The following MTUS1 variants were observed in gnomAD, a reference collection of about 807,000 sequenced individuals.
MTUS1 encodes microtubule-associated tumor suppressor 1.
A neutral mutation model predicts 120.8 loss-of-function variants in MTUS1; 109 were observed. The observed-to-expected ratio is 0.90, with a 90% CI of 0.77 to 1.06. The LOEUF is 1.06. Ranked by LOEUF, MTUS1 falls within the 50% of genes least tolerant of loss-of-function variation. The pLI, the probability that MTUS1 is intolerant of heterozygous loss-of-function variation, is 0.00. For missense variants in MTUS1, 2,210 were observed against 1,486.3 expected (o/e 1.49, Z -8.01); for synonymous variants, 737 against 550.5 (o/e 1.34, Z -4.74).
At chr8:17,667,760 G>A (rs184306166) in intron 8 of MTUS1, among the ~76,000 whole-genome samples, 2 of 152,300 alleles carry the variant, frequency 1.3e-5, no homozygotes, top group Admixed American at 1.3e-4. Flanking sequence ...GGGTTCTTAT[G>A]CAAGCTCTTT....
At chr8:17,695,646 G>C (rs1347005243) in intron 6 of MTUS1, among the ~76,000 whole-genome samples, 1 of 152,128 alleles carries the variant, frequency 6.6e-6, no homozygotes, top group East Asian at 1.9e-4. Context: ...TCTACTACTA[G>C]AGCACTGGTT....
At position 17,644,374 on chromosome 8, in the gene MTUS1, T is replaced by TACA. The variant is rs1805404758; in HGVS notation, c.*1551_*1552insTGT. 1.3e-5 allele frequency: 2 copies of TACA among 152,644 alleles called. No individual in the cohort carries two copies. The highest frequency in any genetic ancestry group is 6.5e-5 in the Admixed American group (1 of 15,280). The allele number at this position is 152,644 out of a possible 1,614,324, so 9.5% of individuals were successfully genotyped here. ...ATCCTGAATCTCTTCTTACTACAGC[T>TACA]GTTATTTGTACAGCCACTGAATGTA... On this transcript the variant is annotated 3_prime_UTR_variant, in exon 15 of 15. Coordinates refer to ENST00000693296, the MANE Select transcript of MTUS1 (RefSeq NM_001363059.2).
chr8:17,742,273 TTTTTTTTTGTTGTTGTTG>T lies in MTUS1; in HGVS notation c.2287+1313_2287+1330del, dbSNP rs1425777529. On this transcript the variant is annotated intron_variant, in intron 3 of 14. Transcript: ENST00000693296. ...ATCATGCTCTCATGCCCAGCTGTTTTTTTTTTTTGTTGTTGTTGTTTTTTTTTTTTTTTTTTTTAGAGA... is the reference window on the plus strand; with the variant it reads ...ATCATGCTCTCATGCCCAGCTGTTTTTTTTTTTTTTTTTTTTTTTTAGAGA... Among the ~76,000 whole-genome samples, 355 of 122,238 alleles carry T rather than the reference TTTTTTTTTGTTGTTGTTG, an allele frequency of 2.9e-3. 20 individuals are homozygous for T. The highest frequency in any genetic ancestry group is 0.012 in the African/African-American group (337 of 28,932). 80.2% of individuals were successfully genotyped at this position (122,238 alleles called of 152,430 possible). A position where few individuals can be genotyped will look rare whatever the true frequency, so the allele number is the denominator to read the frequency against.
intron 6 of MTUS1, chr8:17,692,313 C>G (rs368806065): frequency 6.6e-6 from 1 of 152,164 alleles, no homozygotes; most frequent in Non-Finnish European, 1.5e-5. Flanking sequence ...CGACCTGGCA[C>G]CACCCCTTCC....
chr8:17,800,124 T>C (rs970940890), intron 1 of MTUS1, among the ~76,000 whole-genome samples: 2 of 152,152 alleles, frequency 1.3e-5, no homozygotes, highest in Non-Finnish European at 2.9e-5. Flanking sequence ...ATCTTGTATA[T>C]ACCCTCCTTA....
At position 17,644,792 on chromosome 8, in the gene MTUS1, CT is replaced by C. The variant is rs755071822; in HGVS notation, c.*1133del. On this transcript the variant is annotated 3_prime_UTR_variant, in exon 15 of 15. Transcript: ENST00000693296. ...CAAAATTTGTAATATCAAATCCAGG[CT>C]TTAGTTTATTTGGAAAGTGGTTTCA... The C allele has an allele frequency of 2.0e-5, 3 of 152,230 alleles. No individual in the cohort carries two copies. Among genetic ancestry groups the C allele is most frequent in the Non-Finnish European group, 4.4e-5 (3 of 68,008 alleles). 9.4% of individuals were successfully genotyped at this position (152,230 alleles called of 1,614,324 possible). A position where few individuals can be genotyped will look rare whatever the true frequency, so the allele number is the denominator to read the frequency against.
chr8:17,698,282 C>T (rs1031719725), intron 6 of MTUS1, among the ~76,000 whole-genome samples: 2 of 152,152 alleles, frequency 1.3e-5, no homozygotes, highest in African/African-American at 4.8e-5. Flanking sequence ...TCTTTCAAGA[C>T]TAGGAGTGTG....
At chr8:17,738,043 A>C (rs2047054235) in intron 3 of MTUS1, among the ~76,000 whole-genome samples, 1 of 152,246 alleles carries the variant, frequency 6.6e-6, no homozygotes, top group Non-Finnish European at 1.5e-5. Context: ...ACCTGCGATG[A>C]CAGGCAAGTC....
intron 5 of MTUS1, among the ~76,000 whole-genome samples, chr8:17,714,513 T>C (rs1242373055): frequency 6.6e-6 from 1 of 152,222 alleles, no homozygotes; most frequent in East Asian, 1.9e-4. Flanking sequence ...AAGAGGTTCA[T>C]CTCAGTATTA....
intron 3 of MTUS1, among the ~76,000 whole-genome samples, chr8:17,735,312 G>A (rs113978587): frequency 1.8e-4 from 27 of 152,188 alleles, no homozygotes; most frequent in Admixed American, 3.9e-4. Flanking sequence ...TGAAGGCGGC[G>A]GTTGGGGAGA....
chr8:17,724,123 A>G, intron 3 of MTUS1: 1 of 525,046 alleles, frequency 1.9e-6, no homozygotes, highest in South Asian at 1.6e-5. Flanking sequence ...GAAGGAGATG[A>G]TCAATCAGAA....
chr8:17,780,050 G>C (rs1330583788), intron 1 of MTUS1, among the ~76,000 whole-genome samples: 2 of 152,138 alleles, frequency 1.3e-5, no homozygotes, highest in African/African-American at 2.4e-5. Flanking sequence ...GAGATGACTG[G>C]GTTATGGGGG....
chr8:17,772,818 A>G (rs2050117320), intron 1 of MTUS1, among the ~76,000 whole-genome samples: 4 of 152,204 alleles, frequency 2.6e-5, no homozygotes, highest in African/African-American at 7.2e-5. Context: ...TCAGCACCAA[A>G]AAAACACACA....
At chr8:17,700,224 T>C (rs534896379) in intron 6 of MTUS1, among the ~76,000 whole-genome samples, 77 of 152,016 alleles carry the variant, frequency 5.1e-4, no homozygotes, top group African/African-American at 1.7e-3. Context: ...TCTCAGCACT[T>C]TGGGAGGCCA....
intron 1 of MTUS1, among the ~76,000 whole-genome samples, chr8:17,771,831 C>T (rs770592567): frequency 6.6e-6 from 1 of 152,328 alleles, no homozygotes; most frequent in Admixed American, 6.5e-5. Context: ...GTTCATTTAA[C>T]CCAATCTACT....
chr8:17,653,393 TGGGGG>T, intron 11 of MTUS1, 27 bp downstream of exon 11: 4 of 1,543,640 alleles, frequency 2.6e-6, no homozygotes, highest in Non-Finnish European at 3.5e-6. Context: ...TTTTTTTTTG[TGGGGG>T]ATACTGGGAT....
At chr8:17,740,182 T>C (rs1382796989) in intron 3 of MTUS1, among the ~76,000 whole-genome samples, 1 of 150,826 alleles carries the variant, frequency 6.6e-6, no homozygotes, top group Non-Finnish European at 1.5e-5. Flanking sequence ...CACTCCAGCC[T>C]GATCAACAGA....
chr8:17,654,162 C>G (rs1196218312), intron 10 of MTUS1: 1 of 193,704 alleles, frequency 5.2e-6, no homozygotes, highest in African/African-American at 2.4e-5. Flanking sequence ...ATAGAAAAGA[C>G]TATTTTTCTA....
chr8:17,780,052 T>A (rs1002103993), intron 1 of MTUS1, among the ~76,000 whole-genome samples: 3 of 152,092 alleles, frequency 2.0e-5, no homozygotes, highest in African/African-American at 7.2e-5. Flanking sequence ...GATGACTGGG[T>A]TATGGGGGTG....
Sources: gnomAD v4.1 joint callset for allele counts (sites outside exome capture counted in the v4.1 genomes callset) on GRCh38, gnomAD v4.1.1 for gene constraint, MANE v1.5 for transcripts, NCBI Gene and HGNC (gene_info 2026-07-23, HGNC 2026-07-21) for gene names.